AGO3: variants seen among roughly 807,000 people sequenced by gnomAD.
AGO3 encodes argonaute RISC catalytic component 3.
In AGO3, 16 loss-of-function variants were observed where a neutral mutation model predicts 105.5. The observed-to-expected ratio is 0.15, with a 90% CI of 0.10 to 0.23. The LOEUF is 0.23. Among genes scored for constraint, AGO3 ranks in the 10% least tolerant of loss-of-function variants. The probability of loss-of-function intolerance (pLI) is 1.00; values close to 1 mark genes in which losing one functional copy is unlikely to be tolerated. For synonymous variants in AGO3, 340 were observed against 367.3 expected, an observed-to-expected ratio of 0.93 and a Z score of 0.85; for missense variants, 534 against 1,088.0, an observed-to-expected ratio of 0.49 and a Z score of 7.16.
chr1:35,987,276 C>T (rs1425243714), intron 5 of AGO3, among the ~76,000 whole-genome samples: 1 of 150,196 alleles, frequency 6.7e-6, no homozygotes, highest in East Asian at 2.0e-4. Context: ...TGCAGCGAGC[C>T]GAGATCATGC....
In AGO3 at chr1:36,061,839, A is replaced by G. The variant is rs1184069557; in HGVS notation, c.*6094A>G. On this transcript the variant is annotated 3_prime_UTR_variant, in exon 19 of 19. Coordinates refer to ENST00000373191, the MANE Select transcript of AGO3 (RefSeq NM_024852.4). The stretch of plus-strand genomic sequence containing the variant: ...CACGAAGCTAAGAATTTTAAAGATA[A>G]ATTATTTTAGAACTCCAAGAGTGTG... 6.6e-6 allele frequency: 1 copy of G among 152,210 alleles called. No homozygotes were observed. The highest frequency in any genetic ancestry group is 1.5e-5 in the Non-Finnish European group (1 of 68,040). 9.4% of individuals were successfully genotyped at this position (152,210 alleles called of 1,614,324 possible).
intron 14 of AGO3, among the ~76,000 whole-genome samples, chr1:36,036,959 G>C (rs1642038889): frequency 6.6e-6 from 1 of 152,066 alleles, no homozygotes; most frequent in African/African-American, 2.4e-5. Flanking sequence ...GCCTCCCAGA[G>C]TGCTGAGATT....
intron 5 of AGO3, among the ~76,000 whole-genome samples, chr1:35,981,086 C>A (rs989436032): frequency 2.6e-5 from 4 of 152,140 alleles, no homozygotes; most frequent in Non-Finnish European, 4.4e-5. Flanking sequence ...AATTTCTCCT[C>A]TGAACTTTTT....
Position 36,013,925 on chromosome 1 carries a change from T to C in AGO3, c.1283T>C (p.Val428Ala). The C allele has an allele frequency of 6.2e-7, 1 of 1,613,940 alleles. No individual in the cohort carries two copies. The highest frequency in any genetic ancestry group is 2.2e-5 in the East Asian group (1 of 44,870). Residue 428 changes from valine (V) to alanine (A), a missense_variant, in exon 11 of 19, where the codon GTA becomes GCA. Physicochemically the swap from Val to Ala is moderately conservative, Grantham distance 64 (BLOSUM62 0). Coordinates refer to ENST00000373191, the MANE Select transcript of AGO3 (RefSeq NM_024852.4). ...TTTCTCCTCGTGTAGAATCGGACAG[T>C]AGCAACACCGAGCCATGGAGTATGG... is the stretch of plus-strand genomic sequence containing the variant. Reference protein sequence around the residue: ...MLQYGGRNRTVATPSHGVWDM... With the variant: ...MLQYGGRNRTAATPSHGVWDM...
At chr1:35,986,963 T>G (rs1335161402) in intron 5 of AGO3, among the ~76,000 whole-genome samples, 1 of 149,450 alleles carries the variant, frequency 6.7e-6, no homozygotes, top group Non-Finnish European at 1.5e-5. Flanking sequence ...ACCACTGTAT[T>G]CCAGCCTGGG....
intron 5 of AGO3, 109 bp from the exon 6 acceptor site, chr1:36,004,232 G>A (rs1640239012): frequency 8.7e-7 from 1 of 1,149,036 alleles, no homozygotes; most frequent in Non-Finnish European, 1.2e-6. Flanking sequence ...ACATAAATGT[G>A]CATAAAGGAT....
chr1:35,953,092 C>T (rs890855479), intron 2 of AGO3, among the ~76,000 whole-genome samples: 1 of 151,982 alleles, frequency 6.6e-6, no homozygotes. Flanking sequence ...CATATGATAA[C>T]TCTATATTTA....
chr1:35,939,011 AC>A (rs1397609141), intron 1 of AGO3, among the ~76,000 whole-genome samples: 1 of 152,348 alleles, frequency 6.6e-6, no homozygotes, highest in East Asian at 1.9e-4. Flanking sequence ...ATTATCCAGT[AC>A]ATACAATAAC....
chr1:35,936,164 T>G (rs1024356349), intron 1 of AGO3, among the ~76,000 whole-genome samples: 3 of 152,164 alleles, frequency 2.0e-5, no homozygotes, highest in African/African-American at 7.2e-5. Flanking sequence ...GCTGTTAGGA[T>G]ACATGAACAG....
chr1:35,991,709 A>G (rs1172280882), intron 5 of AGO3, among the ~76,000 whole-genome samples: 5 of 152,070 alleles, frequency 3.3e-5, no homozygotes, highest in Non-Finnish European at 5.9e-5. Context: ...TTTACATACC[A>G]TAAAATTCAC....
At chr1:35,934,331 T>C (rs1346387999) in intron 1 of AGO3, among the ~76,000 whole-genome samples, 1 of 152,224 alleles carries the variant, frequency 6.6e-6, no homozygotes, top group Admixed American at 6.5e-5. Context: ...ATTAATGACA[T>C]GCAAATTGTT....
intron 13 of AGO3, among the ~76,000 whole-genome samples, chr1:36,035,296 A>AG (rs1194562684): frequency 2.6e-4 from 39 of 152,274 alleles, no homozygotes; most frequent in Admixed American, 2.3e-3. Flanking sequence ...GCTACTCCAG[A>AG]GGCTGAGGTG....
chr1:36,041,738 G>A (rs977253763), intron 16 of AGO3, among the ~76,000 whole-genome samples: 4 of 152,088 alleles, frequency 2.6e-5, no homozygotes, highest in African/African-American at 9.7e-5. Flanking sequence ...CATACTCACT[G>A]TATTCCTTTG....
chr1:35,964,183 G>C (rs921614437), intron 2 of AGO3, among the ~76,000 whole-genome samples: 5 of 152,080 alleles, frequency 3.3e-5, no homozygotes, highest in Non-Finnish European at 5.9e-5. Context: ...GTACAGGTTT[G>C]TTATATAGGT....
Position 36,039,852 on chromosome 1 carries a change from C to T in AGO3, c.1905C>T (p.Pro635=). ...GTGCCACAGTAAGAGTTCAGAGACCCCGACAGGAGATCATCCAGGACTTGG... is the reference window on the plus strand; with the variant it reads ...GTGCCACAGTAAGAGTTCAGAGACCTCGACAGGAGATCATCCAGGACTTGG... ...RYCATVRVQR[P]RQEIIQDLAS... Residue 635 remains proline, a synonymous_variant, in exon 15 of 19, where the codon CCC becomes CCT. Coordinates refer to ENST00000373191, the MANE Select transcript of AGO3 (RefSeq NM_024852.4). The T allele has an allele frequency of 6.2e-7, 1 of 1,613,596 alleles. No individual in the cohort carries two copies. Among genetic ancestry groups the T allele is most frequent in the Admixed American group, 1.7e-5 (1 of 59,906 alleles).
At chr1:35,977,883 C>T (rs941016673) in intron 5 of AGO3, among the ~76,000 whole-genome samples, 8 of 151,798 alleles carry the variant, frequency 5.3e-5, no homozygotes, top group South Asian at 2.1e-4. Context: ...AAAAAAAAGA[C>T]GGTATGGCAT....
intron 11 of AGO3, among the ~76,000 whole-genome samples, chr1:36,023,772 C>T (rs946882017): frequency 6.6e-6 from 1 of 152,150 alleles, no homozygotes; most frequent in Non-Finnish European, 1.5e-5. Context: ...ACACTACCTA[C>T]CAGGTGAGGA....
At chr1:35,980,375 TATATTCA>T (rs1647032312) in intron 5 of AGO3, among the ~76,000 whole-genome samples, 1 of 152,262 alleles carries the variant, frequency 6.6e-6, no homozygotes, top group Non-Finnish European at 1.5e-5. Context: ...TCCATTTGTA[TATATTCA>T]TTGATTTGAA....
chr1:36,034,118 G>A (rs1478956576), intron 12 of AGO3, 56 bp from the exon 13 acceptor site: 1 of 1,429,588 alleles, frequency 7.0e-7, no homozygotes, highest in Non-Finnish European at 9.2e-7. Context: ...TTTTCAGTAT[G>A]TAAAATTATT....
Sources: gnomAD v4.1 joint callset for allele counts (sites outside exome capture counted in the v4.1 genomes callset) on GRCh38, gnomAD v4.1.1 for gene constraint, MANE v1.5 for transcripts, NCBI Gene and HGNC (gene_info 2026-07-23, HGNC 2026-07-21) for gene names.